CELF4: variants seen among roughly 807,000 people sequenced by gnomAD.
CELF4 encodes CUG-BP- and ETR-3-like factor 4.
Under a neutral mutation model 59.9 loss-of-function variants are expected in CELF4, and 18 were observed. That is an observed-to-expected ratio of 0.30 (90% CI 0.21 to 0.45). The LOEUF (loss-of-function observed/expected upper bound fraction) is 0.45. CELF4 is among the 20% of genes least tolerant of loss of function. The pLI is 1.00. For synonymous variants in CELF4, 261 were observed against 267.1 expected, an observed-to-expected ratio of 0.98 and a Z score of 0.22; for missense variants, 456 against 689.0, an observed-to-expected ratio of 0.66 and a Z score of 3.79.
intron 2 of CELF4, among the ~76,000 whole-genome samples, chr18:37,418,209 A>G (rs1055790285): frequency 1.3e-5 from 2 of 152,154 alleles, no homozygotes; most frequent in Non-Finnish European, 2.9e-5. Context: ...GCTGGTGGCA[A>G]TTGCTTTTGA....
rs1044615302 is a variant in CELF4, at chr18:37,481,384, A to G, written c.369+4141T>C. The stretch of plus-strand genomic sequence containing the variant: ...CCCTTTCTGCTACCAAAGGAGCAAA[A>G]GTGCTGGCCACAGCTTGTCATAGCA... On this transcript the variant is annotated intron_variant, in intron 2 of 12. Transcript: ENST00000420428. Among the ~76,000 whole-genome samples, 17 of 152,256 alleles carry G rather than the reference A, an allele frequency of 1.1e-4. No homozygotes were observed. The East Asian group carries it at 3.3e-3, about 30-fold the overall frequency.
chr18:37,483,221 CT>C (rs1438554525), intron 2 of CELF4, among the ~76,000 whole-genome samples: 2 of 152,198 alleles, frequency 1.3e-5, no homozygotes, highest in Non-Finnish European at 1.5e-5. Context: ...ACCAGGTCTG[CT>C]TTCTGGAATC....
intron 2 of CELF4, among the ~76,000 whole-genome samples, chr18:37,423,103 G>C (rs2099590215): frequency 7.5e-6 from 1 of 133,510 alleles, no homozygotes; most frequent in Non-Finnish European, 1.7e-5. Flanking sequence ...GAGAGAGAGA[G>C]ACAGACAGAC....
chr18:37,427,036 ACG>A (rs2099618131), intron 2 of CELF4, among the ~76,000 whole-genome samples: 1 of 40,574 alleles, frequency 2.5e-5, no homozygotes, highest in Admixed American at 3.8e-4. Flanking sequence ...CAGCAGGGAC[ACG>A]GGGGGGGGGG....
At chr18:37,526,927 G>A (rs899943236) in intron 1 of CELF4, among the ~76,000 whole-genome samples, 8 of 152,056 alleles carry the variant, frequency 5.3e-5, no homozygotes, top group Admixed American at 2.6e-4. Context: ...TGAGAGCTCT[G>A]AAACAAGCCA....
intron 2 of CELF4, among the ~76,000 whole-genome samples, chr18:37,367,953 A>C (rs2098807863): frequency 6.6e-6 from 1 of 151,826 alleles, no homozygotes; most frequent in South Asian, 2.1e-4. Flanking sequence ...CTTCCAGCAG[A>C]GTCAGGGGGA....
rs1017696116 is a variant in CELF4 at position 37,459,947 on chromosome 18, T to C, written c.369+25578A>G. 2.6e-5 allele frequency among the ~76,000 whole-genome samples: 4 copies of C among 152,204 alleles called. No individual in the cohort carries two copies. The East Asian group carries it at 5.8e-4, about 22-fold the overall frequency. On this transcript the variant is annotated intron_variant, in intron 2 of 12. Coordinates refer to ENST00000420428, the MANE Select transcript of CELF4 (RefSeq NM_020180.4). ...TTTGAATGGCATGATGTGCAGTTTATCATATTGAAAGACTTTTCAGAAAAC... is the reference window on the plus strand; with the variant it reads ...TTTGAATGGCATGATGTGCAGTTTACCATATTGAAAGACTTTTCAGAAAAC...
intron 2 of CELF4, among the ~76,000 whole-genome samples, chr18:37,409,293 G>A (rs2099414689): frequency 6.6e-6 from 1 of 152,216 alleles, no homozygotes; most frequent in Non-Finnish European, 1.5e-5. Flanking sequence ...CAGCCAATGG[G>A]GAGGGCCCCC....
chr18:37,262,999 G>A (rs2075669415), intron 10 of CELF4, among the ~76,000 whole-genome samples: 1 of 152,166 alleles, frequency 6.6e-6, no homozygotes, highest in African/African-American at 2.4e-5. Context: ...CTCAGAAGTT[G>A]CCTGCTGGGT....
chr18:37,437,643 A>T (rs536123797), intron 2 of CELF4, among the ~76,000 whole-genome samples: 1 of 152,306 alleles, frequency 6.6e-6, no homozygotes, highest in African/African-American at 2.4e-5. Flanking sequence ...TTCCCCATAA[A>T]GGATCTCTGG....
Position 37,401,748 on chromosome 18 carries a change from T to C in CELF4, c.370-79867A>G, listed in dbSNP as rs561093546. 3.9e-5 allele frequency among the ~76,000 whole-genome samples: 6 copies of C among 152,302 alleles called. No individual in the cohort carries two copies. The South Asian group carries it at 1.0e-3, about 26-fold the overall frequency. ...TTTAGCTAATAGTTGAATGGGGAGA[T>C]AGACAAGGACACCATCCAGCGTTCT... On this transcript the variant is annotated intron_variant, in intron 2 of 12. Coordinates refer to ENST00000420428, the MANE Select transcript of CELF4 (RefSeq NM_020180.4).
chr18:37,274,756 TCTCGGCCCGCCGCTGCCCTCGCC>T, intron 5 of CELF4, 26 bp downstream of exon 5: 6 of 1,513,986 alleles, frequency 4.0e-6, no homozygotes, highest in Non-Finnish European at 5.3e-6. Flanking sequence ...GGTGCTGGGG[TCTCGGCCCGCCGCTGCCCTCGCC>T]CCCGCCCCAA....
At chr18:37,431,484 C>T (rs1383151109) in intron 2 of CELF4, among the ~76,000 whole-genome samples, 1 of 150,586 alleles carries the variant, frequency 6.6e-6, no homozygotes, top group African/African-American at 2.4e-5. Context: ...TCTCCTGCCT[C>T]AGCCTCCTGA....
At chr18:37,475,617 G>A (rs529565116) in intron 2 of CELF4, among the ~76,000 whole-genome samples, 7 of 152,230 alleles carry the variant, frequency 4.6e-5, no homozygotes, top group South Asian at 2.1e-4. Context: ...TCTAGGGAGC[G>A]GGGAAGCTGG....
At chr18:37,447,751 G>A (rs535252258) in intron 2 of CELF4, among the ~76,000 whole-genome samples, 4 of 152,314 alleles carry the variant, frequency 2.6e-5, no homozygotes, top group African/African-American at 9.6e-5. Context: ...CCTGGTGTTC[G>A]GGTTTGGGCC....
At chr18:37,494,587 A>G (rs568398668) in intron 1 of CELF4, among the ~76,000 whole-genome samples, 4 of 152,300 alleles carry the variant, frequency 2.6e-5, no homozygotes, top group Non-Finnish European at 4.4e-5. Context: ...TGTCATGTGC[A>G]TGATCTCACC....
At position 37,274,118 on chromosome 18, in the gene CELF4, C is replaced by T; in HGVS notation, c.801+193G>A. 4.3e-6 allele frequency: 6 copies of T among 1,395,870 alleles called. No homozygotes were observed. The South Asian group carries it at 1.0e-4, about 23-fold the overall frequency. The allele number at this position is 1,395,870 out of a possible 1,614,324, so 86.5% of individuals were successfully genotyped here. A position where few individuals can be genotyped will look rare whatever the true frequency, so the allele number is the denominator to read the frequency against. Reference sequence around the variant, plus strand: ...CAGCCCACCTCCTCCTGGCAGCCACCCCAACTGGGCCAGCCTTCTTTCAAA... The same window carrying T: ...CAGCCCACCTCCTCCTGGCAGCCACTCCAACTGGGCCAGCCTTCTTTCAAA... On this transcript the variant is annotated intron_variant, in intron 6 of 12. Coordinates refer to ENST00000420428, the MANE Select transcript of CELF4 (RefSeq NM_020180.4).
Position 37,270,904 on chromosome 18 carries a change from A to T in CELF4, c.963T>A (p.Pro321=). The T allele has an allele frequency of 1.2e-6, 2 of 1,609,114 alleles. No individual in the cohort carries two copies. Among genetic ancestry groups the T allele is most frequent in the Non-Finnish European group, 1.7e-6 (2 of 1,177,606 alleles). The change falls in exon 8 of 13, where the codon CCT becomes CCA. Residue 321 remains proline (P), a synonymous_variant. Transcript: ENST00000420428. Reference sequence around the variant, plus strand: ...GCACGGCTGGTGCAGTGATGCCCGGAGGGGTGCTGCCACCTGGTTCCAGGC... The same window carrying T: ...GCACGGCTGGTGCAGTGATGCCCGGTGGGGTGCTGCCACCTGGTTCCAGGC... ...PMTPTSGGST[P]PGITAPAVPS...
chr18:37,470,890 C>CAG (rs142446683), intron 2 of CELF4, among the ~76,000 whole-genome samples: 1,393 of 94,962 alleles, frequency 0.015, 40 homozygotes, highest in South Asian at 0.021. Context: ...GTGTGTGTGA[C>CAG]AGAGAGAGAG....
Sources: allele counts gnomAD v4.1 joint callset (sites outside exome capture counted in the v4.1 genomes callset), GRCh38; gene constraint gnomAD v4.1.1; transcripts MANE v1.5; gene names NCBI Gene and HGNC (gene_info 2026-07-23, HGNC 2026-07-21).